The following STARD9 variants were observed in gnomAD, a reference collection of about 807,000 sequenced individuals.
The protein encoded by STARD9 is stAR-related lipid transfer protein 9.
STARD9 carries 346 observed loss-of-function variants against 399.8 expected under a neutral mutation model. The ratio of observed to expected loss-of-function variants is 0.87; its 90% CI spans 0.79 to 0.95. The LOEUF (loss-of-function observed/expected upper bound fraction) is 0.95, where lower values mean the gene tolerates loss of function less well. Among genes scored for constraint, STARD9 ranks in the 40% least tolerant of loss-of-function variants. The probability of loss-of-function intolerance (pLI) is 0.00; values close to 1 mark genes in which losing one functional copy is unlikely to be tolerated. For missense variants in STARD9, 5,832 were observed against 5,667.5 expected, an observed-to-expected ratio of 1.03 and a Z score of -0.93; for synonymous variants, 2,203 against 2,143.5, an observed-to-expected ratio of 1.03 and a Z score of -0.77.
intron 7 of STARD9, among the ~76,000 whole-genome samples, chr15:42,645,657 C>T (rs893074961): frequency 2.6e-5 from 4 of 151,708 alleles, no homozygotes; most frequent in Admixed American, 1.3e-4. Flanking sequence ...CCTCAACTTC[C>T]CAGGCTCATG....
At chr15:42,695,947 G>A in intron 26 of STARD9, 67 bp downstream of exon 26, 9 of 1,475,962 alleles carry the variant, frequency 6.1e-6, no homozygotes, top group Middle Eastern at 1.9e-4. Context: ...TGAGCAGGAC[G>A]CTGTGCCTCC....
intron 3 of STARD9, among the ~76,000 whole-genome samples, chr15:42,622,761 A>G (rs1206755559): frequency 2.0e-5 from 3 of 152,182 alleles, no homozygotes; most frequent in Non-Finnish European, 4.4e-5. Flanking sequence ...GTCATGTGAC[A>G]TGGTTGTTCT....
intron 3 of STARD9, among the ~76,000 whole-genome samples, chr15:42,607,682 AC>A (rs1566870162): frequency 1.6e-4 from 24 of 151,436 alleles, no homozygotes; most frequent in African/African-American, 5.8e-4. Flanking sequence ...ACACACACAC[AC>A]ACAAATATAT....
chr15:42,575,906 C>A, intron 1 of STARD9, 144 bp downstream of exon 1: 1 of 919,958 alleles, frequency 1.1e-6, no homozygotes, highest in Non-Finnish European at 1.7e-6. Flanking sequence ...TCCACGGAGG[C>A]CTGGCGGGAC....
At chr15:42,717,425 C>T (rs2061370684) in intron 28 of STARD9, among the ~76,000 whole-genome samples, 1 of 151,992 alleles carries the variant, frequency 6.6e-6, no homozygotes, top group Non-Finnish European at 1.5e-5. Context: ...GAGTTCAAGA[C>T]CAGCCTGGGC....
At position 42,694,020 on chromosome 15, in the gene STARD9, G is replaced by C. The variant is rs2060780567; in HGVS notation, c.12442G>C (p.Val4148Leu). 1 of 1,530,512 alleles carries C rather than the reference G, an allele frequency of 6.5e-7. No individual in the cohort carries two copies. Among genetic ancestry groups the C allele is most frequent in the East Asian group, 2.4e-5 (1 of 40,886 alleles). The allele number at this position is 1,530,512 out of a possible 1,614,324, so 94.8% of individuals were successfully genotyped here. A position where few individuals can be genotyped will look rare whatever the true frequency, so the allele number is the denominator to read the frequency against. The change falls in exon 23 of 33, where the codon GTT becomes CTT. Residue 4148 changes from valine to leucine, a missense_variant. By Grantham distance (32) the Val-to-Leu change is conservative. This residue lies in a region of STARD9 where 5,828 missense variants were observed against 5,651.1 expected (regional missense o/e 1.03). Transcript: ENST00000290607. Reference sequence around the variant, plus strand: ...TAACAAATTTAGTAACTGGTGTGGGGTTCAGAAGGGCTCACCTGGGGGGTT... The same window carrying C: ...TAACAAATTTAGTAACTGGTGTGGGCTTCAGAAGGGCTCACCTGGGGGGTT... ...VHNKFSNWCGVQKGSPGGLDM... is the reference protein window; with the variant it reads ...VHNKFSNWCGLQKGSPGGLDM...
intron 9 of STARD9, among the ~76,000 whole-genome samples, chr15:42,655,368 G>A (rs1363869687): frequency 1.3e-5 from 2 of 152,170 alleles, no homozygotes; most frequent in African/African-American, 4.8e-5. Flanking sequence ...AAAACAGCAT[G>A]GTACTGGGAC....
chr15:42,685,844 G>A lies in STARD9; in HGVS notation c.4266G>A (p.Arg1422=), dbSNP rs1319011415. 2.0e-6 allele frequency: 3 copies of A among 1,537,130 alleles called. No individual in the cohort carries two copies. The highest frequency in any genetic ancestry group is 8.7e-7 in the Non-Finnish European group (1 of 1,146,924). The change falls in exon 23 of 33, where the codon AGG becomes AGA. Residue 1422 remains arginine (R), a synonymous_variant. Coordinates refer to ENST00000290607, the MANE Select transcript of STARD9 (RefSeq NM_020759.3). ...EHTASAADTS[R]LSLWGIQRLI... is the part of the protein sequence containing the mutation. Reference sequence around the variant, plus strand: ...CAGCCTCTGCTGCTGATACGTCTAGGCTGTCTCTCTGGGGAATTCAAAGGC... The same window carrying A: ...CAGCCTCTGCTGCTGATACGTCTAGACTGTCTCTCTGGGGAATTCAAAGGC...
In STARD9 at chr15:42,689,180, A is replaced by G. The variant is rs916138769; in HGVS notation, c.7602A>G (p.Pro2534=). 16 of 1,537,188 alleles carry G rather than the reference A, an allele frequency of 1.0e-5. No homozygotes were observed. Among genetic ancestry groups the G allele is most frequent in the Non-Finnish European group, 1.3e-5 (15 of 1,146,932 alleles). ...TTTCCCTGCCGAGGGTGCCCAGTCC[A>G]GAGCCTAGGCTGTTGGAGCCCTCTG... ...APVSLPRVPS[P]EPRLLEPSDH... Residue 2534 remains proline (P), a synonymous_variant, in exon 23 of 33, where the codon CCA becomes CCG. Transcript: ENST00000290607.
intron 26 of STARD9, among the ~76,000 whole-genome samples, chr15:42,704,670 G>A (rs1386402448): frequency 2.0e-5 from 3 of 152,200 alleles, no homozygotes; most frequent in Admixed American, 6.5e-5. Flanking sequence ...CCCAGGGAGA[G>A]TTCCCCACCT....
chr15:42,658,288 G>GGTGTGTGTGT (rs56286330), intron 9 of STARD9, among the ~76,000 whole-genome samples: 2,879 of 145,894 alleles, frequency 0.02, 79 homozygotes, highest in African/African-American at 0.062. Flanking sequence ...GGGACTTACA[G>GGTGTGTGTGT]GTGTGTGTGT....
intron 7 of STARD9, among the ~76,000 whole-genome samples, chr15:42,644,779 C>G (rs2059614864): frequency 6.6e-6 from 1 of 152,188 alleles, no homozygotes; most frequent in African/African-American, 2.4e-5. Context: ...CACAATAGAA[C>G]TTATTTCAGA....
At chr15:42,671,268 G>C (rs2060197919) in intron 16 of STARD9, 1 of 151,804 alleles carries the variant, frequency 6.6e-6, no homozygotes, top group South Asian at 2.1e-4. Flanking sequence ...GCATAGCTGG[G>C]ATTACAGGCA....
At chr15:42,650,986 T>A in intron 7 of STARD9, 30 bp from the exon 8 acceptor site, 1 of 1,444,576 alleles carries the variant, frequency 6.9e-7, no homozygotes. Context: ...TCTCATTTAA[T>A]TTCTTTTTTC....
At chr15:42,649,645 T>C (rs1381434303) in intron 7 of STARD9, among the ~76,000 whole-genome samples, 1 of 151,676 alleles carries the variant, frequency 6.6e-6, no homozygotes, top group Non-Finnish European at 1.5e-5. Context: ...CTGCAACCTC[T>C]GCCTCCTAGG....
rs1198966005 is a variant in STARD9 at position 42,684,286 on chromosome 15, C to G, written c.2708C>G (p.Pro903Arg). 21 of 1,537,050 alleles carry G rather than the reference C, an allele frequency of 1.4e-5. No individual in the cohort carries two copies. The highest frequency in any genetic ancestry group is 2.0e-5 in the Admixed American group (1 of 50,986). ...CTGCATTCCTCAGGTCATGGGCAGC[C>G]CTGCACAGCCAGAGCAGCCTTGGCC... is the stretch of plus-strand genomic sequence containing the variant. ...NGLHSSGHGQ[P>R]CTARAALARK... Residue 903 changes from proline (P) to arginine (R), a missense_variant, in exon 23 of 33, where the codon CCC becomes CGC. Physicochemically the swap from Pro to Arg is moderately radical, Grantham distance 103 (BLOSUM62 -2). Coordinates refer to ENST00000290607, the MANE Select transcript of STARD9 (RefSeq NM_020759.3).
intron 3 of STARD9, among the ~76,000 whole-genome samples, chr15:42,596,943 A>G (rs2058518504): frequency 6.6e-6 from 1 of 152,198 alleles, no homozygotes; most frequent in African/African-American, 2.4e-5. Context: ...CATTGTTTAC[A>G]ATTCTTTTGG....
Position 42,691,763 on chromosome 15 carries a change from C to T in STARD9, c.10185C>T (p.Thr3395=), listed in dbSNP as rs529358305. The T allele has an allele frequency of 4.5e-5, 69 of 1,537,242 alleles. No homozygotes were observed. The highest frequency in any genetic ancestry group is 1.5e-4 in the African/African-American group (11 of 73,168). Residue 3395 remains threonine, a synonymous_variant, in exon 23 of 33, where the codon ACC becomes ACT. Transcript: ENST00000290607. ...CATCTCGCTTGGATGATGGGACTAC[C>T]GATCACAGGCACCTGAAGCCTGCCA... The part of the protein sequence containing the change: ...KASSRLDDGT[T]DHRHLKPATP...
In STARD9 at chr15:42,644,712, C is replaced by T. The variant is rs181164895; in HGVS notation, c.559+5900C>T. On this transcript the variant is annotated intron_variant, in intron 7 of 32. Coordinates refer to ENST00000290607, the MANE Select transcript of STARD9 (RefSeq NM_020759.3). Reference sequence around the variant, plus strand: ...ATGGAGTTTGTTACATCAATTGACTCTTCCTTTCATGAAAAATTTTTCTGT... The same window carrying T: ...ATGGAGTTTGTTACATCAATTGACTTTTCCTTTCATGAAAAATTTTTCTGT... 6.3e-3 allele frequency among the ~76,000 whole-genome samples: 963 copies of T among 152,166 alleles called. 14 individuals are homozygous for T. Among genetic ancestry groups the T allele is most frequent in the African/African-American group, 0.022 (910 of 41,496 alleles).
Sources: gnomAD v4.1 joint callset for allele counts (sites outside exome capture counted in the v4.1 genomes callset) on GRCh38, gnomAD v4.1.1 for gene constraint, gnomAD v4.1.1 regional missense constraint, MANE v1.5 for transcripts, NCBI Gene and HGNC (gene_info 2026-07-23, HGNC 2026-07-21) for gene names.